Variants in SLC25A53 observed in about 807,000 individuals in gnomAD.
SLC25A53 encodes the protein mitochondrial carrier triple repeat protein 6.
SLC25A53 carries 5 observed loss-of-function variants against 15.0 expected under a neutral mutation model. The observed-to-expected ratio is 0.33, with a 90% CI of 0.17 to 0.70. The LOEUF (loss-of-function observed/expected upper bound fraction) is 0.70, where lower values mean the gene tolerates loss of function less well. Ranked by LOEUF, SLC25A53 falls within the 30% of genes least tolerant of loss-of-function variation. The pLI is 0.67. For missense variants in SLC25A53, 216 were observed against 241.6 expected, an observed-to-expected ratio of 0.89 and a Z score of 0.70; for synonymous variants, 95 against 100.0, an observed-to-expected ratio of 0.95 and a Z score of 0.30.
At chrX:104,127,448 A>C (rs2147873874) in intron 1 of SLC25A53, among the ~76,000 whole-genome samples, 1 of 111,768 alleles carries the variant, frequency 8.9e-6, no homozygotes, top group East Asian at 2.8e-4. Context: ...ACATGGGATA[A>C]GACCACACAG....
At chrX:104,142,363 C>T (rs370716582) in intron 1 of SLC25A53, among the ~76,000 whole-genome samples, 2 of 112,420 alleles carry the variant, frequency 1.8e-5, no homozygotes, top group East Asian at 5.6e-4. Context: ...TCTTTTCAAT[C>T]TCTGATAACT....
intron 1 of SLC25A53, chrX:104,115,389 G>C: frequency 9.8e-7 from 1 of 1,021,480 alleles, no homozygotes; most frequent in Non-Finnish European, 1.3e-6. Flanking sequence ...AATAACAGGA[G>C]AGGGGGGTGG....
chrX:104,099,544 A>G lies in SLC25A53; in HGVS notation c.*4790T>C, dbSNP rs1556351754. ...AATGGATCAACTACAGCTATCTGCA[A>G]TATCAATGAGTCTCACAAGCAATGT... is the stretch of plus-strand genomic sequence containing the variant. On this transcript the variant is annotated 3_prime_UTR_variant, in exon 2 of 2. Transcript: ENST00000594199. The G allele has an allele frequency of 2.7e-5, 3 of 112,634 alleles. No homozygotes were observed. The highest frequency in any genetic ancestry group is 9.7e-5 in the African/African-American group (3 of 31,057). 9.3% of individuals were successfully genotyped at this position (112,634 alleles called of 1,213,427 possible).
Position 104,100,818 on chromosome X carries a change from G to A in SLC25A53, c.*3516C>T, listed in dbSNP as rs1380891719. The A allele has an allele frequency of 1.8e-5, 2 of 112,167 alleles. No homozygotes were observed. Among genetic ancestry groups the A allele is most frequent in the Non-Finnish European group, 3.8e-5 (2 of 53,279 alleles). The allele number at this position is 112,167 out of a possible 1,213,427, so 9.2% of individuals were successfully genotyped here. The stretch of plus-strand genomic sequence containing the variant: ...CTCTTACACCACGGCAATCAGCACA[G>A]AATATTTCCATGTCCAGATGTGTGG... On this transcript the variant is annotated 3_prime_UTR_variant, in exon 2 of 2. Coordinates refer to ENST00000594199, the MANE Select transcript of SLC25A53 (RefSeq NM_001012755.5).
chrX:104,114,555 T>C, intron 1 of SLC25A53: 5 of 1,211,793 alleles, frequency 4.1e-6, no homozygotes, highest in Non-Finnish European at 5.6e-6. Context: ...CCTCCCTTTA[T>C]GTGATCCGTT....
In SLC25A53 at chrX:104,101,385, G is replaced by C. The variant is rs1262504751; in HGVS notation, c.*2949C>G. 14 of 111,743 alleles carry C rather than the reference G, an allele frequency of 1.3e-4. No individual in the cohort carries two copies. Among genetic ancestry groups the C allele is most frequent in the Non-Finnish European group, 2.1e-4 (11 of 53,162 alleles). The allele number at this position is 111,743 out of a possible 1,213,427, so 9.2% of individuals were successfully genotyped here. On this transcript the variant is annotated 3_prime_UTR_variant, in exon 2 of 2. Coordinates refer to ENST00000594199, the MANE Select transcript of SLC25A53 (RefSeq NM_001012755.5). ...CATCCCTCTCCCCTCCCTGGAGGTC[G>C]GGAATGAGGCTGTTAAGTCCCAACC...
chrX:104,124,496 C>G (rs1485390910), intron 1 of SLC25A53, among the ~76,000 whole-genome samples: 3 of 111,665 alleles, frequency 2.7e-5, no homozygotes, highest in Non-Finnish European at 5.6e-5. Context: ...TGCCTGTAAT[C>G]CCAACACTTT....
At chrX:104,105,385 G>C (rs2075304170) in intron 1 of SLC25A53, 97 bp from the exon 2 acceptor site, 1 of 559,065 alleles carries the variant, frequency 1.8e-6, no homozygotes, top group African/African-American at 2.3e-5. Flanking sequence ...AGAAACTCAG[G>C]TCGACGGAAA....
chrX:104,155,814 C>T (rs782019375), intron 1 of SLC25A53, among the ~76,000 whole-genome samples: 1 of 110,790 alleles, frequency 9.0e-6, no homozygotes, highest in South Asian at 3.8e-4. Context: ...GAGGCCGAGG[C>T]AGGCGGATCA....
In SLC25A53 at chrX:104,099,887, T is replaced by C. The variant is rs2075273530; in HGVS notation, c.*4447A>G. Reference sequence around the variant, plus strand: ...GAATGTATCTGTTTTCTTAATGAAATAGAAAGTAGGGTCACTAGTTGGAAA... The same window carrying C: ...GAATGTATCTGTTTTCTTAATGAAACAGAAAGTAGGGTCACTAGTTGGAAA... On this transcript the variant is annotated 3_prime_UTR_variant, in exon 2 of 2. Coordinates refer to ENST00000594199, the MANE Select transcript of SLC25A53 (RefSeq NM_001012755.5). 9.0e-6 allele frequency: 1 copy of C among 110,933 alleles called. No individual in the cohort carries two copies. Among genetic ancestry groups the C allele is most frequent in the Admixed American group, 9.6e-5 (1 of 10,389 alleles). 9.1% of individuals were successfully genotyped at this position (110,933 alleles called of 1,213,427 possible). A position where few individuals can be genotyped will look rare whatever the true frequency, so the allele number is the denominator to read the frequency against.
chrX:104,147,863 C>G (rs1283226979), intron 1 of SLC25A53, among the ~76,000 whole-genome samples: 1 of 110,063 alleles, frequency 9.1e-6, no homozygotes, highest in Non-Finnish European at 1.9e-5. Context: ...GGACTGTAAA[C>G]TAGTTCAACC....
intron 1 of SLC25A53, chrX:104,115,186 A>G: frequency 1.7e-6 from 2 of 1,210,085 alleles, no homozygotes; most frequent in Non-Finnish European, 2.2e-6. Context: ...GGGCCACTCA[A>G]AAGAAACCTG....
In SLC25A53 at chrX:104,101,282, T is replaced by C. The variant is rs1282330900; in HGVS notation, c.*3052A>G. The C allele has an allele frequency of 8.9e-6, 1 of 112,096 alleles. No individual in the cohort carries two copies. The highest frequency in any genetic ancestry group is 1.9e-5 in the Non-Finnish European group (1 of 53,210). 9.2% of individuals were successfully genotyped at this position (112,096 alleles called of 1,213,427 possible). A position where few individuals can be genotyped will look rare whatever the true frequency, so the allele number is the denominator to read the frequency against. ...TCTGGAAGCTCTCCAAACCCAGTGC[T>C]TTGGGGTTTTTATGGAAGCTTCATT... On this transcript the variant is annotated 3_prime_UTR_variant, in exon 2 of 2. Transcript: ENST00000594199.
In SLC25A53 at chrX:104,104,546, T is replaced by G; in HGVS notation, c.712A>C (p.Asn238His). Residue 238 changes from asparagine (N) to histidine (H), a missense_variant, in exon 2 of 2, where the codon AAT (asparagine) becomes CAT (histidine). Transcript: ENST00000594199. The part of the protein sequence containing the change: ...VLYPLIVLVA[N>H]MQSHIGWQNM... Reference sequence around the variant, plus strand: ...TGCCATCCAATATGGGACTGCATATTAGCAACCAGCACAATCAGAGGATAC... The same window carrying G: ...TGCCATCCAATATGGGACTGCATATGAGCAACCAGCACAATCAGAGGATAC... 8.3e-7 allele frequency: 1 copy of G among 1,211,710 alleles called. No individual in the cohort carries two copies. Among genetic ancestry groups the G allele is most frequent in the Non-Finnish European group, 1.1e-6 (1 of 895,467 alleles).
In SLC25A53 at chrX:104,105,051, A is replaced by G; in HGVS notation, c.207T>C (p.Leu69=). ...AMAVSEAVRQ[L]WHEGPQYFYR... is the part of the protein sequence containing the mutation. ...AGAAGTATTGAGGACCTTCATGCCA[A>G]AGCTGTCTCACAGCCTCTGACACTG... The change falls in exon 2 of 2, where the codon CTT becomes CTC. Residue 69 remains leucine, a synonymous_variant. Coordinates refer to ENST00000594199, the MANE Select transcript of SLC25A53 (RefSeq NM_001012755.5). 1 of 1,212,187 alleles carries G rather than the reference A, an allele frequency of 8.2e-7. No individual in the cohort carries two copies. The highest frequency in any genetic ancestry group is 1.1e-6 in the Non-Finnish European group (1 of 895,583).
chrX:104,124,399 T>C (rs1453410297), intron 1 of SLC25A53, among the ~76,000 whole-genome samples: 3 of 111,929 alleles, frequency 2.7e-5, no homozygotes, highest in Non-Finnish European at 5.6e-5. Flanking sequence ...TGCCCACTTT[T>C]TGATGGGGCT....
intron 1 of SLC25A53, chrX:104,115,013 C>T (rs1556360863): frequency 8.4e-7 from 1 of 1,193,654 alleles, no homozygotes; most frequent in Non-Finnish European, 1.1e-6. Context: ...AGAGGAAGAG[C>T]CAGACCTCTG....
At chrX:104,105,705 A>G (rs1556355856) in intron 1 of SLC25A53, among the ~76,000 whole-genome samples, 1 of 112,402 alleles carries the variant, frequency 8.9e-6, no homozygotes, top group Non-Finnish European at 1.9e-5. Context: ...AGAGGCAGAA[A>G]GGCATTTAAC....
rs1556354266 is a variant in SLC25A53 at position 104,104,220 on chromosome X, T to A, written c.*114A>T. The stretch of plus-strand genomic sequence containing the variant: ...TTGGGAACTTCTCCCATGCAATGAG[T>A]TTATAGATGCTAAAGGATGGCTGTA... On this transcript the variant is annotated 3_prime_UTR_variant, in exon 2 of 2. Coordinates refer to ENST00000594199, the MANE Select transcript of SLC25A53 (RefSeq NM_001012755.5). 1.5e-6 allele frequency: 1 copy of A among 667,567 alleles called. No homozygotes were observed. Among genetic ancestry groups the A allele is most frequent in the African/African-American group, 2.2e-5 (1 of 45,006 alleles). The allele number at this position is 667,567 out of a possible 1,213,427, so 55.0% of individuals were successfully genotyped here.
Sources: allele counts gnomAD v4.1 joint callset (sites outside exome capture counted in the v4.1 genomes callset), GRCh38; gene constraint gnomAD v4.1.1; transcripts MANE v1.5; gene names NCBI Gene and HGNC (gene_info 2026-07-23, HGNC 2026-07-21).